The following NMU variants were observed in gnomAD, a reference collection of about 807,000 sequenced individuals.
NMU encodes neuromedin U.
Under a neutral mutation model 35.4 loss-of-function variants are expected in NMU, and 29 were observed. The ratio of observed to expected loss-of-function variants is 0.82; its 90% confidence interval spans 0.61 to 1.12. The LOEUF (loss-of-function observed/expected upper bound fraction) is 1.12, where lower values mean the gene tolerates loss of function less well. Among genes scored for constraint, NMU ranks in the 50% most tolerant of loss-of-function variants. The pLI, the probability that NMU is intolerant of heterozygous loss-of-function variation, is 0.00. For missense variants in NMU, 199 were observed against 206.2 expected (o/e 0.97, Z 0.21); for synonymous variants, 78 against 81.3 (o/e 0.96, Z 0.22).
Position 55,600,521 on chromosome 4 carries a change from C to A in NMU, c.489+1G>T. On this transcript the variant is annotated splice_donor_variant, in intron 8 of 9. Transcript: ENST00000264218. LOFTEE classifies it high-confidence loss of function. ...TTTTTAAAAATACAGTATGTACCTA[C>A]CCTGAATAAAAAATATCCTCGACTT... The A allele has an allele frequency of 7.5e-6, 12 of 1,599,018 alleles. No individual in the cohort carries two copies. The highest frequency in any genetic ancestry group is 1.0e-5 in the Non-Finnish European group (12 of 1,166,778).
At chr4:55,598,869 C>T (rs1422953211) in intron 9 of NMU, among the ~76,000 whole-genome samples, 1 of 152,106 alleles carries the variant, frequency 6.6e-6, no homozygotes, top group Non-Finnish European at 1.5e-5. Flanking sequence ...ATGATCATTA[C>T]TATTGTGACA....
intron 9 of NMU, among the ~76,000 whole-genome samples, chr4:55,596,510 T>C (rs1733187148): frequency 6.6e-6 from 1 of 151,968 alleles, no homozygotes. Flanking sequence ...TAAATGCCAA[T>C]GTACATTTAT....
intron 2 of NMU, among the ~76,000 whole-genome samples, chr4:55,625,598 G>T (rs1348887595): frequency 2.0e-5 from 3 of 152,040 alleles, no homozygotes; most frequent in Non-Finnish European, 4.4e-5. Context: ...ACTCTTCTCA[G>T]TTCATAGCTC....
At chr4:55,606,757 A>G (rs1327516021) in intron 6 of NMU, among the ~76,000 whole-genome samples, 1 of 150,226 alleles carries the variant, frequency 6.7e-6, no homozygotes, top group Non-Finnish European at 1.5e-5. Context: ...AGCTCACTGC[A>G]ACCTCCACCT....
At chr4:55,630,954 A>G (rs1004000266) in intron 1 of NMU, among the ~76,000 whole-genome samples, 1 of 152,240 alleles carries the variant, frequency 6.6e-6, no homozygotes, top group African/African-American at 2.4e-5. Context: ...AGTTACCAAA[A>G]CAGTATGGTA....
chr4:55,636,527 T>C (rs1715939435), upstream of NMU: 1 of 250,632 alleles, frequency 4.0e-6, no homozygotes, highest in Non-Finnish European at 7.5e-6. The surrounding 1 kb of genome is among the most constrained non-coding windows in gnomAD (Gnocchi z 4.0). Flanking sequence ...GGAATTTAAA[T>C]AATGCACCAT....
intron 3 of NMU, among the ~76,000 whole-genome samples, chr4:55,610,419 C>T (rs576047768): frequency 1.3e-5 from 2 of 148,640 alleles, no homozygotes; most frequent in African/African-American, 2.5e-5. Context: ...GCCGAGATCT[C>T]GACACTGCAC....
At chr4:55,635,495 T>C (rs1251122033) in intron 1 of NMU, among the ~76,000 whole-genome samples, 5 of 152,178 alleles carry the variant, frequency 3.3e-5, no homozygotes, top group Non-Finnish European at 7.3e-5. Context: ...TTTCCTGATC[T>C]AGTGCCTGAA....
intron 3 of NMU, among the ~76,000 whole-genome samples, chr4:55,611,570 G>A (rs1733933248): frequency 6.6e-6 from 1 of 152,080 alleles, no homozygotes; most frequent in Non-Finnish European, 1.5e-5. Flanking sequence ...GCAACTTCCA[G>A]TCTTTCAAGC....
chr4:55,614,975 G>A (rs1353419830), intron 3 of NMU, among the ~76,000 whole-genome samples: 1 of 152,144 alleles, frequency 6.6e-6, no homozygotes, highest in Non-Finnish European at 1.5e-5. Flanking sequence ...AATGGGTTGA[G>A]GCAGGAGAAA....
chr4:55,595,623 G>GTGTA (rs1269725159), intron 9 of NMU, among the ~76,000 whole-genome samples: 20 of 102,162 alleles, frequency 2.0e-4, no homozygotes, highest in Admixed American at 3.4e-4. Flanking sequence ...GTGTGTGTGT[G>GTGTA]TATATATATA....
rs564833155 is a variant in NMU at position 55,610,696 on chromosome 4, C to T, written c.220-1517G>A. Reference sequence around the variant, plus strand: ...ATTCTTGGGATATTTATTAATAATGCCTCATATGTACATAGTGTTTCAATA... The same window carrying T: ...ATTCTTGGGATATTTATTAATAATGTCTCATATGTACATAGTGTTTCAATA... On this transcript the variant is annotated intron_variant, in intron 3 of 9. Transcript: ENST00000264218. 2.0e-5 allele frequency among the ~76,000 whole-genome samples: 3 copies of T among 152,220 alleles called. No individual in the cohort carries two copies. The East Asian group carries it at 5.8e-4, about 29-fold the overall frequency.
At chr4:55,631,907 A>C (rs1297234579) in intron 1 of NMU, among the ~76,000 whole-genome samples, 3 of 152,254 alleles carry the variant, frequency 2.0e-5, no homozygotes, top group African/African-American at 7.2e-5. Context: ...AGATATGGAA[A>C]CAACCTAAGT....
At chr4:55,606,921 T>C (rs1733704964) in intron 6 of NMU, among the ~76,000 whole-genome samples, 1 of 152,040 alleles carries the variant, frequency 6.6e-6, no homozygotes, top group African/African-American at 2.4e-5. Flanking sequence ...CAAGTGATCC[T>C]CCCGCCTCGG....
At chr4:55,635,676 C>T (rs757703227) in intron 1 of NMU, among the ~76,000 whole-genome samples, 4 of 152,230 alleles carry the variant, frequency 2.6e-5, no homozygotes, top group Non-Finnish European at 5.9e-5. Context: ...TCTTGTTTTG[C>T]TTCAACCATC....
At position 55,595,348 on chromosome 4, in the gene NMU, G is replaced by A. The variant is rs1701094718; in HGVS notation, c.*68C>T. The A allele has an allele frequency of 6.6e-6, 1 of 151,926 alleles. No homozygotes were observed. The highest frequency in any genetic ancestry group is 2.4e-5 in the African/African-American group (1 of 41,194). 9.4% of individuals were successfully genotyped at this position (151,926 alleles called of 1,614,324 possible). On this transcript the variant is annotated 3_prime_UTR_variant, in exon 10 of 10. Coordinates refer to ENST00000264218, the MANE Select transcript of NMU (RefSeq NM_006681.4). ...CATTTAGCAAGGATTTTTTTCAGAAGAAAACAAAATGTCAGTACATTTTGT... is the reference window on the plus strand; with the variant it reads ...CATTTAGCAAGGATTTTTTTCAGAAAAAAACAAAATGTCAGTACATTTTGT...
chr4:55,609,966 C>G (rs11727831), intron 3 of NMU, among the ~76,000 whole-genome samples: 7,573 of 152,256 alleles, frequency 0.05, 232 homozygotes, highest in Non-Finnish European at 0.076. Flanking sequence ...AGTTGGGAAG[C>G]CTGTAACTCT....
chr4:55,609,827 G>C (rs568674676), intron 3 of NMU, among the ~76,000 whole-genome samples: 44 of 152,134 alleles, frequency 2.9e-4, no homozygotes, highest in Non-Finnish European at 3.7e-4. Flanking sequence ...GGCGAAACCT[G>C]CTTTGCACAG....
At chr4:55,632,162 C>A (rs1172293478) in intron 1 of NMU, among the ~76,000 whole-genome samples, 1 of 151,754 alleles carries the variant, frequency 6.6e-6, no homozygotes, top group Non-Finnish European at 1.5e-5. Context: ...GAGGTGGAGG[C>A]TAGGAGGGGG....
Sources: gnomAD v4.1 joint callset for allele counts (sites outside exome capture counted in the v4.1 genomes callset) on GRCh38, gnomAD v4.1.1 for gene constraint, Gnocchi (gnomAD v3.1) non-coding constraint, MANE v1.5 for transcripts, NCBI Gene and HGNC (gene_info 2026-07-23, HGNC 2026-07-21) for gene names.